The following PAX3 variants were observed in gnomAD, a reference collection of about 807,000 sequenced individuals.
The protein encoded by PAX3 is paired box 3.
Under a neutral mutation model 51.6 loss-of-function variants are expected in PAX3, and 14 were observed. That is an observed-to-expected ratio of 0.27 (90% CI 0.18 to 0.42). The LOEUF (loss-of-function observed/expected upper bound fraction) is 0.42, where lower values mean the gene tolerates loss of function less well. PAX3 is among the 10% of genes least tolerant of loss of function. The pLI is 1.00. For missense variants in PAX3, 540 were observed against 642.8 expected (o/e 0.84, Z 1.73); for synonymous variants, 280 against 253.4 (o/e 1.11, Z -1.00).
At chr2:222,269,230 C>T (rs1448421847) in intron 4 of PAX3, among the ~76,000 whole-genome samples, 1 of 152,146 alleles carries the variant, frequency 6.6e-6, no homozygotes, top group Non-Finnish European at 1.5e-5. Context: ...CTTCTCCTGC[C>T]CATTTTCTTT....
chr2:222,215,464 A>G (rs1003434907), intron 7 of PAX3, among the ~76,000 whole-genome samples: 3 of 152,100 alleles, frequency 2.0e-5, no homozygotes, highest in Admixed American at 6.6e-5. Flanking sequence ...CTGTTACCAA[A>G]GAACTGTGGA....
chr2:222,260,177 T>G (rs1455694339), intron 4 of PAX3, among the ~76,000 whole-genome samples: 2 of 152,148 alleles, frequency 1.3e-5, no homozygotes, highest in African/African-American at 4.8e-5. Flanking sequence ...GCCTGGTCTG[T>G]TTATCTTTAA....
At chr2:222,260,591 G>GTTT (rs374339768) in intron 4 of PAX3, among the ~76,000 whole-genome samples, 2 of 63,090 alleles carry the variant, frequency 3.2e-5, no homozygotes, top group African/African-American at 1.3e-4. Flanking sequence ...TTTTTTTTTT[G>GTTT]TTTTTTTTTT....
rs374308331 is a variant in PAX3, at chr2:222,295,133, C to T, written c.451+395G>A. On this transcript the variant is annotated intron_variant, in intron 3 of 8. Coordinates refer to ENST00000392070, the MANE Select transcript of PAX3 (RefSeq NM_181458.4). Reference sequence around the variant, plus strand: ...GAAATCGGGGCCGTTGTGGAAGCCTCCACGGCTTTGCGCACACGGCAAAGT... The same window carrying T: ...GAAATCGGGGCCGTTGTGGAAGCCTTCACGGCTTTGCGCACACGGCAAAGT... Among the ~76,000 whole-genome samples the T allele has an allele frequency of 1.4e-3, 218 of 152,294 alleles. 6 individuals are homozygous for T. The South Asian group carries it at 0.044, about 31-fold the overall frequency.
chr2:222,236,130 CG>C (rs1432935569), intron 4 of PAX3, among the ~76,000 whole-genome samples: 2 of 152,140 alleles, frequency 1.3e-5, no homozygotes, highest in African/African-American at 4.8e-5. Context: ...ATTAATCTGC[CG>C]GCTAGGAAAA....
In PAX3 at chr2:222,283,988, C is replaced by A. The variant is rs934126446; in HGVS notation, c.586+10179G>T. On this transcript the variant is annotated intron_variant, in intron 4 of 8. Coordinates refer to ENST00000392070, the MANE Select transcript of PAX3 (RefSeq NM_181458.4). ...TCACTCTCACACTGCACCCCAATAA[C>A]ACAGGAGCCCCCAACGTTTTGGGAA... Among the ~76,000 whole-genome samples, 3 of 152,232 alleles carry A rather than the reference C, an allele frequency of 2.0e-5. No homozygotes were observed. In the East Asian group the frequency reaches 5.8e-4, roughly 29 times the overall value.
chr2:222,277,536 A>G (rs1363701476), intron 4 of PAX3, among the ~76,000 whole-genome samples: 4 of 152,198 alleles, frequency 2.6e-5, no homozygotes, highest in Non-Finnish European at 4.4e-5. Flanking sequence ...TCCAATAGGA[A>G]CACAAGATCA....
intron 7 of PAX3, among the ~76,000 whole-genome samples, chr2:222,205,746 A>AAT (rs949991729): frequency 6.6e-6 from 1 of 152,202 alleles, no homozygotes; most frequent in African/African-American, 2.4e-5. Flanking sequence ...TGAGGACATC[A>AAT]ATAGAAAATG....
chr2:222,237,817 G>A (rs148333930), intron 4 of PAX3, among the ~76,000 whole-genome samples: 2 of 151,984 alleles, frequency 1.3e-5, no homozygotes, highest in Admixed American at 6.5e-5. Context: ...TTGGTATTTT[G>A]TATTACAATG....
intron 4 of PAX3, among the ~76,000 whole-genome samples, chr2:222,240,568 TC>T (rs1692973618): frequency 6.6e-6 from 1 of 152,220 alleles, no homozygotes. Context: ...GTAGCTGTAT[TC>T]ACTGGTATGT....
At chr2:222,234,522 G>A (rs1692727535) in intron 4 of PAX3, among the ~76,000 whole-genome samples, 1 of 152,184 alleles carries the variant, frequency 6.6e-6, no homozygotes, top group African/African-American at 2.4e-5. Flanking sequence ...TCATAGAACA[G>A]TGTTTCATAA....
At chr2:222,262,588 A>G (rs527611070) in intron 4 of PAX3, 3 of 108,152 alleles carry the variant, frequency 2.8e-5, no homozygotes, top group African/African-American at 9.3e-5. Context: ...TTGAAAGTAA[A>G]TTGTTCTCAG....
At chr2:222,228,293 A>G (rs555270029) in intron 5 of PAX3, among the ~76,000 whole-genome samples, 1 of 152,342 alleles carries the variant, frequency 6.6e-6, no homozygotes, top group Admixed American at 6.5e-5. Flanking sequence ...TTAAAGCCAC[A>G]TTAAGACAGC....
At chr2:222,287,779 A>G (rs1694883348) in intron 4 of PAX3, among the ~76,000 whole-genome samples, 1 of 152,248 alleles carries the variant, frequency 6.6e-6, no homozygotes. Flanking sequence ...TAGGAGGATT[A>G]TAATAGAAAA....
In PAX3 at chr2:222,201,246, G is replaced by A. The variant is rs767686337; in HGVS notation, c.*162C>T. 3.4e-5 allele frequency: 55 copies of A among 1,613,796 alleles called. No homozygotes were observed. The highest frequency in any genetic ancestry group is 4.6e-5 in the Non-Finnish European group (54 of 1,179,954). On this transcript the variant is annotated 3_prime_UTR_variant, in exon 9 of 9. Transcript: ENST00000392070. Reference sequence around the variant, plus strand: ...TCAAAAGGATTTGAAACCAACTATTGGAGGAAGAAAATCAATCACTCTCCT... The same window carrying A: ...TCAAAAGGATTTGAAACCAACTATTAGAGGAAGAAAATCAATCACTCTCCT...
intron 4 of PAX3, chr2:222,293,506 G>T: frequency 1.2e-6 from 1 of 848,816 alleles, no homozygotes. Context: ...GAAGACAGAG[G>T]GTGCCAGCAC....
intron 4 of PAX3, among the ~76,000 whole-genome samples, chr2:222,255,019 G>T (rs1329297983): frequency 6.6e-6 from 1 of 152,260 alleles, no homozygotes; most frequent in East Asian, 1.9e-4. Flanking sequence ...CTGACCTCAA[G>T]TGATCCACCT....
intron 4 of PAX3, chr2:222,293,701 G>C (rs751011157): frequency 6.2e-7 from 1 of 1,614,124 alleles, no homozygotes. Context: ...TTGCCCAAAA[G>C]AGTACTCTCT....
At chr2:222,251,225 G>C (rs766394209) in intron 4 of PAX3, among the ~76,000 whole-genome samples, 17 of 152,004 alleles carry the variant, frequency 1.1e-4, no homozygotes, top group South Asian at 2.1e-4. Flanking sequence ...TTTAACATTA[G>C]GTATATCTCC....
Sources: allele counts gnomAD v4.1 joint callset (sites outside exome capture counted in the v4.1 genomes callset), GRCh38; gene constraint gnomAD v4.1.1; transcripts MANE v1.5; gene names NCBI Gene and HGNC (gene_info 2026-07-23, HGNC 2026-07-21).